STK32B: variants seen among roughly 807,000 people sequenced by gnomAD.
STK32B encodes the protein serine/threonine-protein kinase 32B.
STK32B carries 43 observed loss-of-function variants against 52.6 expected under a neutral mutation model. The ratio of observed to expected loss-of-function variants is 0.82; its 90% CI spans 0.64 to 1.05. STK32B has a LOEUF of 1.05. Among genes scored for constraint, STK32B ranks in the 50% least tolerant of loss-of-function variants. The pLI is 0.00. For synonymous variants in STK32B, 238 were observed against 204.3 expected (o/e 1.17, Z -1.41); for missense variants, 621 against 534.6 (o/e 1.16, Z -1.59).
intron 1 of STK32B, among the ~76,000 whole-genome samples, chr4:5,100,778 T>G (rs1293434885): frequency 1.5e-3 from 5 of 3,298 alleles, no homozygotes; most frequent in Admixed American, 5.3e-3. Context: ...CCTCCTTCCC[T>G]TCTTCCTTCC....
At chr4:5,489,409 A>T (rs946323058) in intron 11 of STK32B, among the ~76,000 whole-genome samples, 2 of 152,188 alleles carry the variant, frequency 1.3e-5, no homozygotes, top group Non-Finnish European at 2.9e-5. Context: ...TTTTGATTAA[A>T]TTAGCAATAC....
At chr4:5,286,604 C>G (rs73087491) in intron 3 of STK32B, among the ~76,000 whole-genome samples, 22,928 of 152,032 alleles carry the variant, frequency 0.15, 5,059 homozygotes, top group African/African-American at 0.49. Flanking sequence ...CCTGTGAGAT[C>G]TATCCATTTT....
chr4:5,485,933 A>T (rs1230315207), intron 11 of STK32B, among the ~76,000 whole-genome samples: 1 of 152,160 alleles, frequency 6.6e-6, no homozygotes, highest in East Asian at 1.9e-4. Flanking sequence ...TTGCTGCCTG[A>T]TCATTCCTCT....
rs1469096803 is a variant in STK32B at position 5,398,246 on chromosome 4, T to C, written c.472+2T>C. On this transcript the variant is annotated splice_donor_variant, in intron 5 of 11. Transcript: ENST00000282908. LOFTEE classifies it high-confidence loss of function. This position sits in a 1 kb window ranked among gnomAD's most constrained non-coding sequence, Gnocchi z 4.9. ...ACAATATCCTGCTGGATGAACACGG[T>C]AAGCCTGCTACTAATCCTTTACAGG... The C allele has an allele frequency of 2.5e-6, 4 of 1,614,110 alleles. No homozygotes were observed. In the South Asian group the frequency reaches 4.4e-5, roughly 18 times the overall value.
chr4:5,382,953 C>T (rs956241226), intron 4 of STK32B, among the ~76,000 whole-genome samples: 1 of 152,196 alleles, frequency 6.6e-6, no homozygotes, highest in African/African-American at 2.4e-5. Context: ...GACTCTTATG[C>T]GTTTTGGCAG....
chr4:5,249,027 T>A (rs1198411151), intron 3 of STK32B, among the ~76,000 whole-genome samples: 1 of 152,044 alleles, frequency 6.6e-6, no homozygotes, highest in Non-Finnish European at 1.5e-5. Flanking sequence ...TGTATACATA[T>A]GTAACAAACC....
intron 3 of STK32B, among the ~76,000 whole-genome samples, chr4:5,308,757 T>C (rs1730094951): frequency 6.6e-6 from 1 of 152,102 alleles, no homozygotes; most frequent in African/African-American, 2.4e-5. Flanking sequence ...CTCAACAAAA[T>C]GAAGGCCATA....
At chr4:5,162,978 G>C (rs1018288570) in intron 2 of STK32B, among the ~76,000 whole-genome samples, 7 of 152,206 alleles carry the variant, frequency 4.6e-5, no homozygotes, top group African/African-American at 1.4e-4. Flanking sequence ...AAGAACGGAA[G>C]CCTCTTCCTA....
chr4:5,159,052 A>C (rs998361350), intron 2 of STK32B, among the ~76,000 whole-genome samples: 1 of 152,100 alleles, frequency 6.6e-6, no homozygotes, highest in African/African-American at 2.4e-5. Flanking sequence ...CAATGTTGCA[A>C]GTGAATACCA....
At chr4:5,465,049 G>C (rs564856792) in intron 9 of STK32B, among the ~76,000 whole-genome samples, 54 of 152,254 alleles carry the variant, frequency 3.5e-4, no homozygotes, top group African/African-American at 1.2e-3. Context: ...CAGGGGAAGG[G>C]AGAGGCCATT....
At chr4:5,122,390 TC>T (rs1715096097) in intron 1 of STK32B, among the ~76,000 whole-genome samples, 1 of 150,772 alleles carries the variant, frequency 6.6e-6, no homozygotes, top group African/African-American at 2.5e-5. Flanking sequence ...ATTCACTCAC[TC>T]ATTCATTCAC....
intron 11 of STK32B, among the ~76,000 whole-genome samples, chr4:5,492,700 T>C (rs1333071296): frequency 6.6e-6 from 1 of 151,212 alleles, no homozygotes; most frequent in Non-Finnish European, 1.5e-5. Flanking sequence ...CAGTATGATA[T>C]TGGCTGTGGG....
intron 1 of STK32B, among the ~76,000 whole-genome samples, chr4:5,118,494 G>T (rs1279281573): frequency 6.6e-6 from 1 of 152,188 alleles, no homozygotes; most frequent in Non-Finnish European, 1.5e-5. Flanking sequence ...TGCTGAACGT[G>T]AATGAGCTTC....
At chr4:5,493,015 A>T (rs1393553067) in intron 11 of STK32B, among the ~76,000 whole-genome samples, 1 of 151,434 alleles carries the variant, frequency 6.6e-6, no homozygotes, top group African/African-American at 2.5e-5. Context: ...ATCAATGTTC[A>T]TCAAGGATAT....
Position 5,205,894 on chromosome 4 carries a change from A to G in STK32B, c.260+37444A>G, listed in dbSNP as rs75919900. ...TCTCAGGTTACTGGGACAAAAGGTTAGGGCAGGATCCTGGGCCAAAGGAAT... is the reference window on the plus strand; with the variant it reads ...TCTCAGGTTACTGGGACAAAAGGTTGGGGCAGGATCCTGGGCCAAAGGAAT... On this transcript the variant is annotated intron_variant, in intron 3 of 11. Transcript: ENST00000282908. 6.2e-3 allele frequency among the ~76,000 whole-genome samples: 937 copies of G among 152,258 alleles called. 6 individuals carry two copies. Among genetic ancestry groups the G allele is most frequent in the African/African-American group, 0.021 (866 of 41,554 alleles).
At position 5,470,895 on chromosome 4, in the gene STK32B, G is replaced by C. The variant is rs115645966; in HGVS notation, c.1106+2825G>C. Among the ~76,000 whole-genome samples, 4,324 of 152,346 alleles carry C rather than the reference G, an allele frequency of 0.028. 222 individuals are homozygous for C. Among genetic ancestry groups the C allele is most frequent in the African/African-American group, 0.096 (3,976 of 41,570 alleles). ...CCTTCTTCCCCACTTGAGCAGTGTA[G>C]TGAGTCGAGGGCTGGTCAGGGGGAG... On this transcript the variant is annotated intron_variant, in intron 11 of 11. Coordinates refer to ENST00000282908, the MANE Select transcript of STK32B (RefSeq NM_018401.3). This position sits in a 1 kb window ranked among gnomAD's most constrained non-coding sequence, Gnocchi z 4.6.
chr4:5,401,581 G>A (rs1560383269), intron 5 of STK32B, among the ~76,000 whole-genome samples: 2 of 152,152 alleles, frequency 1.3e-5, no homozygotes, highest in African/African-American at 4.8e-5. Context: ...GAGATTTGAG[G>A]TCTCTGAGCC....
At chr4:5,205,693 G>GGA (rs1560224808) in intron 3 of STK32B, among the ~76,000 whole-genome samples, 1 of 68,148 alleles carries the variant, frequency 1.5e-5, no homozygotes, top group Non-Finnish European at 4.5e-5. Flanking sequence ...TTCTAGACCA[G>GGA]GCGCGCGCGC....
intron 11 of STK32B, among the ~76,000 whole-genome samples, chr4:5,472,782 A>G (rs1449079121): frequency 6.6e-6 from 1 of 152,198 alleles, no homozygotes; most frequent in Non-Finnish European, 1.5e-5. Context: ...AAATAATACT[A>G]TGAACACTAA....
Sources: allele counts gnomAD v4.1 joint callset (sites outside exome capture counted in the v4.1 genomes callset), GRCh38; gene constraint gnomAD v4.1.1; non-coding constraint Gnocchi (gnomAD v3.1); transcripts MANE v1.5; gene names NCBI Gene and HGNC (gene_info 2026-07-23, HGNC 2026-07-21).